The following XKR9 variants were observed in gnomAD, a reference collection of about 807,000 sequenced individuals.
XKR9 encodes the protein XK related 9, also known as XK-related protein 9.
In XKR9, 32 loss-of-function variants were observed where a neutral mutation model predicts 32.0. That is an observed-to-expected ratio of 1.00 (90% confidence interval 0.76 to 1.34). The LOEUF (loss-of-function observed/expected upper bound fraction) is 1.34, where lower values mean the gene tolerates loss of function less well. Ranked by LOEUF, XKR9 falls within the 40% of genes most tolerant of loss-of-function variation. The pLI is 0.00. For missense variants in XKR9, 546 were observed against 429.7 expected (o/e 1.27, Z -2.39); for synonymous variants, 168 against 143.4 (o/e 1.17, Z -1.22).
chr8:71,034,871 A>C, the XKR9 span, among the ~76,000 whole-genome samples: 1 of 152,202 alleles, frequency 6.6e-6, no homozygotes, highest in Non-Finnish European at 1.5e-5. Flanking sequence ...ATATAGAAAT[A>C]GTCACTGGAA....
At chr8:70,676,418 A>G (rs1200667987) in intron 2 of XKR9, among the ~76,000 whole-genome samples, 1 of 152,224 alleles carries the variant, frequency 6.6e-6, no homozygotes. Flanking sequence ...CAAACTTTGT[A>G]GGTGGCATTA....
At chr8:71,008,441 T>C in the XKR9 span, among the ~76,000 whole-genome samples, 65,662 of 151,944 alleles carry the variant, frequency 0.43, 15,277 homozygotes, top group Non-Finnish European at 0.53. Context: ...TCATTCTTCA[T>C]GGTCTTGGCA....
the XKR9 span, among the ~76,000 whole-genome samples, chr8:70,802,138 A>T: frequency 6.6e-6 from 1 of 151,300 alleles, no homozygotes. Context: ...GGGTTTCACC[A>T]TGTTATCCAG....
the XKR9 span, among the ~76,000 whole-genome samples, chr8:71,040,607 T>G: frequency 6.6e-6 from 1 of 152,180 alleles, no homozygotes; most frequent in Non-Finnish European, 1.5e-5. Flanking sequence ...AAAATTACTG[T>G]CAAAATTACT....
At chr8:70,938,350 A>G in the XKR9 span, among the ~76,000 whole-genome samples, 3 of 151,860 alleles carry the variant, frequency 2.0e-5, no homozygotes, top group Admixed American at 2.0e-4. Context: ...AGTGAGAAAG[A>G]TGGAATAGGG....
At chr8:70,924,137 C>T in the XKR9 span, among the ~76,000 whole-genome samples, 1 of 152,176 alleles carries the variant, frequency 6.6e-6, no homozygotes, top group African/African-American at 2.4e-5. Flanking sequence ...CCAACTATTG[C>T]AAGATGGTAA....
chr8:70,811,170 C>A, the XKR9 span, among the ~76,000 whole-genome samples: 38 of 152,306 alleles, frequency 2.5e-4, no homozygotes, highest in African/African-American at 9.1e-4. Context: ...GGAAACTGAA[C>A]AACCTGCTCC....
chr8:70,879,676 A>G, the XKR9 span, among the ~76,000 whole-genome samples: 1 of 152,146 alleles, frequency 6.6e-6, no homozygotes, highest in African/African-American at 2.4e-5. Flanking sequence ...ATAGCCTACC[A>G]ACCAAAAAAA....
chr8:71,055,635 G>A, the XKR9 span, among the ~76,000 whole-genome samples: 1 of 152,258 alleles, frequency 6.6e-6, no homozygotes, highest in South Asian at 2.1e-4. Context: ...ACAGTAATAT[G>A]GTGATTGAAC....
At chr8:70,961,156 C>G in the XKR9 span, among the ~76,000 whole-genome samples, 5 of 152,070 alleles carry the variant, frequency 3.3e-5, no homozygotes, top group Admixed American at 6.5e-5. Context: ...GACAACAGAA[C>G]AAGACTCCAT....
the XKR9 span, among the ~76,000 whole-genome samples, chr8:71,031,341 A>G: frequency 1.3e-5 from 2 of 152,194 alleles, no homozygotes; most frequent in Non-Finnish European, 2.9e-5. Context: ...ATGTGTATGC[A>G]TATACAGGAC....
chr8:70,963,594 A>G, the XKR9 span, among the ~76,000 whole-genome samples: 89 of 152,304 alleles, frequency 5.8e-4, no homozygotes, highest in African/African-American at 2.1e-3. Flanking sequence ...CCAGTGTAAA[A>G]GTACTTCTAT....
intron 2 of XKR9, among the ~76,000 whole-genome samples, chr8:70,779,100 C>G (rs1807576769): frequency 6.6e-6 from 1 of 152,000 alleles, no homozygotes; most frequent in Non-Finnish European, 1.5e-5. Flanking sequence ...ATAAATAGCT[C>G]TTATTATTTT....
intron 3 of XKR9, chr8:70,789,540 A>C (rs1488433153): frequency 6.6e-6 from 1 of 152,064 alleles, no homozygotes; most frequent in African/African-American, 2.4e-5. Flanking sequence ...AAAAGAATGA[A>C]GTAGAGATGA....
At chr8:70,699,538 C>G (rs1805433728) in intron 3 of XKR9, among the ~76,000 whole-genome samples, 1 of 152,200 alleles carries the variant, frequency 6.6e-6, no homozygotes, top group African/African-American at 2.4e-5. Flanking sequence ...TGTAGCGTTT[C>G]TGCTGAGAGA....
At chr8:70,949,662 A>G in the XKR9 span, among the ~76,000 whole-genome samples, 102,368 of 151,460 alleles carry the variant, frequency 0.68, 35,077 homozygotes, top group Admixed American at 0.74. Flanking sequence ...TCACAAGCAG[A>G]GTATTTGCAA....
At chr8:70,968,700 G>C in the XKR9 span, among the ~76,000 whole-genome samples, 12 of 151,968 alleles carry the variant, frequency 7.9e-5, no homozygotes, top group Non-Finnish European at 1.3e-4. Flanking sequence ...CATTCTATAG[G>C]GCTTCTGCAG....
chr8:70,733,651 T>C, intron 4 of XKR9, 145 bp from the exon 5 acceptor site: 1 of 802,990 alleles, frequency 1.2e-6, no homozygotes. Context: ...CATAATAATA[T>C]CTACTTCAAA....
At chr8:70,954,034 A>G in the XKR9 span, among the ~76,000 whole-genome samples, 1 of 152,146 alleles carries the variant, frequency 6.6e-6, no homozygotes, top group African/African-American at 2.4e-5. Context: ...AATGTGGGGA[A>G]AATTTTTTTT....
Sources: gnomAD v4.1 joint callset for allele counts (sites outside exome capture counted in the v4.1 genomes callset) on GRCh38, gnomAD v4.1.1 for gene constraint, MANE v1.5 for transcripts, NCBI Gene and HGNC (gene_info 2026-07-23, HGNC 2026-07-21) for gene names.